TRIM33: variants seen among roughly 807,000 people sequenced by gnomAD.
The protein encoded by TRIM33 is E3 ubiquitin-protein ligase TRIM33.
In TRIM33, 20 loss-of-function variants were observed where a neutral mutation model predicts 125.4. The ratio of observed to expected loss-of-function variants is 0.16; its 90% confidence interval spans 0.11 to 0.23. The LOEUF is 0.23. TRIM33 is among the 10% of genes least tolerant of loss of function. The pLI is 1.00. For synonymous variants in TRIM33, 564 were observed against 513.9 expected, an observed-to-expected ratio of 1.10 and a Z score of -1.32; for missense variants, 920 against 1,411.4, an observed-to-expected ratio of 0.65 and a Z score of 5.58.
intron 8 of TRIM33, among the ~76,000 whole-genome samples, chr1:114,426,060 A>C (rs1191010820): frequency 6.6e-6 from 1 of 152,208 alleles, no homozygotes; most frequent in Non-Finnish European, 1.5e-5. Flanking sequence ...GACAAGACTT[A>C]CTCAAGGATA....
rs1651405537 is a variant in TRIM33 at position 114,393,823 on chromosome 1, C to A, written c.*3825G>T. ...TTCCCCAATTTTTAAAATAAAATGC[C>A]ACAATATAGTGTCATTACTTCCAGC... On this transcript the variant is annotated 3_prime_UTR_variant, in exon 20 of 20. Transcript: ENST00000358465. 9.6e-6 allele frequency: 2 copies of A among 208,366 alleles called. No individual in the cohort carries two copies. Among genetic ancestry groups the A allele is most frequent in the Non-Finnish European group, 9.8e-6 (1 of 102,252 alleles). 12.9% of individuals were successfully genotyped at this position (208,366 alleles called of 1,614,324 possible). A position where few individuals can be genotyped will look rare whatever the true frequency, so the allele number is the denominator to read the frequency against.
intron 4 of TRIM33, among the ~76,000 whole-genome samples, chr1:114,449,653 G>C (rs546451031): frequency 6.6e-6 from 1 of 151,476 alleles, no homozygotes; most frequent in East Asian, 1.9e-4. Flanking sequence ...TGAAGAGTAA[G>C]AGAGTGTGGT....
At chr1:114,483,258 G>A (rs76431324) in intron 1 of TRIM33, among the ~76,000 whole-genome samples, 2,296 of 151,874 alleles carry the variant, frequency 0.015, 35 homozygotes, top group Non-Finnish European at 0.022. Flanking sequence ...AGAGAGCTGC[G>A]ATCACACCAC....
intron 1 of TRIM33, among the ~76,000 whole-genome samples, chr1:114,476,128 T>C (rs1295043780): frequency 1.3e-5 from 2 of 152,116 alleles, no homozygotes; most frequent in Non-Finnish European, 2.9e-5. Flanking sequence ...CTATTTATTA[T>C]ATATTCCTAG....
intron 7 of TRIM33, 88 bp downstream of exon 7, chr1:114,427,659 TA>T: frequency 7.3e-7 from 1 of 1,373,736 alleles, no homozygotes; most frequent in Non-Finnish European, 9.8e-7. Context: ...TTGCCAAAAT[TA>T]AAATGTATAC....
chr1:114,403,500 A>T (rs1652037189), intron 15 of TRIM33, among the ~76,000 whole-genome samples: 2 of 151,910 alleles, frequency 1.3e-5, no homozygotes, highest in Admixed American at 6.6e-5. Context: ...CCTCCCTAGG[A>T]GCTGGGATTA....
At position 114,511,067 on chromosome 1, in the gene TRIM33, T is replaced by G; in HGVS notation, c.10A>C (p.Asn4His). The G allele has an allele frequency of 7.8e-7, 1 of 1,288,108 alleles. No homozygotes were observed. The highest frequency in any genetic ancestry group is 9.9e-7 in the Non-Finnish European group (1 of 1,015,024). 79.8% of individuals were successfully genotyped at this position (1,288,108 alleles called of 1,614,324 possible). MAENKGGGEAESGG... is the reference protein window; with the variant it reads MAEHKGGGEAESGG... ...CTCTCAGCCTCGCCGCCGCCTTTGT[T>G]TTCCGCCATGTTTTCCTCTTTGAAC... The change falls in exon 1 of 20, where the codon AAC becomes CAC. Residue 4 changes from asparagine (N) to histidine (H), a missense_variant. Coordinates refer to ENST00000358465, the MANE Select transcript of TRIM33 (RefSeq NM_015906.4).
intron 10 of TRIM33, among the ~76,000 whole-genome samples, chr1:114,424,166 T>G (rs967890316): frequency 6.6e-6 from 1 of 151,982 alleles, no homozygotes; most frequent in African/African-American, 2.4e-5. Flanking sequence ...ATAATAATAA[T>G]AATACATATA....
chr1:114,426,613 G>C (rs1388356710), intron 8 of TRIM33, among the ~76,000 whole-genome samples: 2 of 151,112 alleles, frequency 1.3e-5, no homozygotes, highest in Non-Finnish European at 2.9e-5. Context: ...TCTGTAAATA[G>C]CTCTCTAATT....
chr1:114,499,742 T>G (rs1652596140), intron 1 of TRIM33, among the ~76,000 whole-genome samples: 1 of 152,036 alleles, frequency 6.6e-6, no homozygotes. Context: ...TGTCTAAAAC[T>G]ATAAAACACA....
At chr1:114,419,564 AG>A (rs1653150504) in intron 11 of TRIM33, among the ~76,000 whole-genome samples, 1 of 152,210 alleles carries the variant, frequency 6.6e-6, no homozygotes, top group Non-Finnish European at 1.5e-5. Context: ...ATATTTAAAA[AG>A]TTTCCATTCT....
At chr1:114,402,921 A>G (rs1159547487) in intron 15 of TRIM33, 38 bp from the exon 16 acceptor site, 9 of 1,575,542 alleles carry the variant, frequency 5.7e-6, no homozygotes, top group Non-Finnish European at 6.9e-6. Flanking sequence ...ACGTAATTAT[A>G]AGAAAGCCTG....
rs767006497 is a variant in TRIM33 at position 114,399,623 on chromosome 1, A to G, written c.2968-14T>C. 1 of 1,562,572 alleles carries G rather than the reference A, an allele frequency of 6.4e-7. No individual in the cohort carries two copies. Among genetic ancestry groups the G allele is most frequent in the East Asian group, 2.3e-5 (1 of 44,410 alleles). ...GTAGTTTGGTATCTAAAATAAGCAC[A>G]TAATGGCAAATAAGAATTCTCCAAA... On this transcript the variant is annotated splice_polypyrimidine_tract_variant and intron_variant, in intron 17 of 19. Transcript: ENST00000358465.
Position 114,405,404 on chromosome 1 carries a change from T to A in TRIM33, c.2768+6A>T. 6.3e-7 allele frequency: 1 copy of A among 1,586,288 alleles called. No individual in the cohort carries two copies. The highest frequency in any genetic ancestry group is 8.6e-7 in the Non-Finnish European group (1 of 1,166,852). On this transcript the variant is annotated splice_donor_region_variant and intron_variant, in intron 15 of 19. Transcript: ENST00000358465. Reference sequence around the variant, plus strand: ...CAACACCAAAAATCAATTATTTCACTGGTACCTTGGAAAGCTAAGTAGTGT... The same window carrying A: ...CAACACCAAAAATCAATTATTTCACAGGTACCTTGGAAAGCTAAGTAGTGT...
At chr1:114,501,023 T>C (rs1652680429) in intron 1 of TRIM33, among the ~76,000 whole-genome samples, 1 of 87,196 alleles carries the variant, frequency 1.1e-5, no homozygotes, top group Non-Finnish European at 2.4e-5. Context: ...ACCCCGTCTC[T>C]ACTAAAAATA....
intron 1 of TRIM33, among the ~76,000 whole-genome samples, chr1:114,473,181 CG>C (rs1557886434): frequency 1.3e-5 from 2 of 149,198 alleles, no homozygotes; most frequent in African/African-American, 5.0e-5. Context: ...GGTGTGAACT[CG>C]GGAGGCGGAG....
At chr1:114,444,423 G>A (rs1035628615) in intron 4 of TRIM33, among the ~76,000 whole-genome samples, 2 of 152,200 alleles carry the variant, frequency 1.3e-5, no homozygotes, top group Non-Finnish European at 1.5e-5. Flanking sequence ...TCTATCTTCA[G>A]AGGAGACAGA....
chr1:114,482,613 T>C (rs1651429198), intron 1 of TRIM33, among the ~76,000 whole-genome samples: 1 of 152,168 alleles, frequency 6.6e-6, no homozygotes, highest in Non-Finnish European at 1.5e-5. Context: ...TGGATTTGTG[T>C]CCCCACCCAA....
At position 114,410,268 on chromosome 1, in the gene TRIM33, T is replaced by C. The variant is rs1245619240; in HGVS notation, c.2110A>G (p.Ile704Val). The C allele has an allele frequency of 6.2e-7, 1 of 1,613,856 alleles. No individual in the cohort carries two copies. Among genetic ancestry groups the C allele is most frequent in the South Asian group, 1.1e-5 (1 of 91,078 alleles). Residue 704 changes from isoleucine to valine, a missense_variant, in exon 12 of 20, where the codon ATC (isoleucine) becomes GTC (valine). Physicochemically the swap from Ile to Val is conservative, Grantham distance 29. Transcript: ENST00000358465. ...SSLDNLLSRY[I>V]SGSHLPPQPT... ...TGTGGGGGTAGGTGACTGCCTGAGA[T>C]GTATCTACTTAGTAGATTATCTAAA...
Sources: gnomAD v4.1 joint callset for allele counts (sites outside exome capture counted in the v4.1 genomes callset) on GRCh38, gnomAD v4.1.1 for gene constraint, MANE v1.5 for transcripts, NCBI Gene and HGNC (gene_info 2026-07-23, HGNC 2026-07-21) for gene names.